Variants in PLP1 observed in about 807,000 individuals in gnomAD.
PLP1 encodes the protein myelin proteolipid protein.
PLP1 carries 2 observed loss-of-function variants against 18.5 expected under a neutral mutation model. The ratio of observed to expected loss-of-function variants is 0.11; its 90% CI spans 0.04 to 0.34. The LOEUF is 0.34. Among genes scored for constraint, PLP1 ranks in the 10% least tolerant of loss-of-function variants. The probability of loss-of-function intolerance (pLI) is 1.00; values close to 1 mark genes in which losing one functional copy is unlikely to be tolerated. For missense variants in PLP1, 105 were observed against 207.3 expected, an observed-to-expected ratio of 0.51 and a Z score of 3.03; for synonymous variants, 86 against 83.2, an observed-to-expected ratio of 1.03 and a Z score of -0.19.
At chrX:103,782,023 G>A (rs1467247281) in intron 1 of PLP1, among the ~76,000 whole-genome samples, 1 of 112,193 alleles carries the variant, frequency 8.9e-6, no homozygotes, top group Non-Finnish European at 1.9e-5. Context: ...GGAGCCCAAT[G>A]GATCTTTTCT....
intron 6 of PLP1, among the ~76,000 whole-genome samples, chrX:103,789,692 C>T (rs1202361593): frequency 8.9e-6 from 1 of 112,090 alleles, no homozygotes; most frequent in Non-Finnish European, 1.9e-5. Flanking sequence ...AAGTACTTTG[C>T]AGTCATAAAT....
intron 1 of PLP1, among the ~76,000 whole-genome samples, chrX:103,784,033 C>T (rs1447915382): frequency 3.6e-5 from 4 of 112,055 alleles, no homozygotes; most frequent in African/African-American, 9.7e-5. Context: ...GGGATCTGGC[C>T]GAGAGGCCAG....
intron 1 of PLP1, among the ~76,000 whole-genome samples, chrX:103,780,437 C>CTGTGTGTG (rs1491323272): frequency 6.8e-4 from 60 of 87,877 alleles, no homozygotes; most frequent in Admixed American, 3.0e-3. Context: ...TTCTGTCTCT[C>CTGTGTGTG]TCTGTGTGTG....
At chrX:103,787,609 G>A (rs898398544) in intron 3 of PLP1, 189 bp from the exon 4 acceptor site, 11 of 470,612 alleles carry the variant, frequency 2.3e-5, no homozygotes, top group African/African-American at 1.9e-4. Flanking sequence ...CGTTATACTG[G>A]GGCCAGTTAT....
rs911356581 is a variant in PLP1 at position 103,792,452 on chromosome X, C to T, written c.*1854C>T. 1 of 112,555 alleles carries T rather than the reference C, an allele frequency of 8.9e-6. No homozygotes were observed. The highest frequency in any genetic ancestry group is 9.5e-5 in the Admixed American group (1 of 10,576). The allele number at this position is 112,555 out of a possible 1,213,427, so 9.3% of individuals were successfully genotyped here. On this transcript the variant is annotated 3_prime_UTR_variant, in exon 7 of 7. Transcript: ENST00000621218. Reference sequence around the variant, plus strand: ...CCTGAAAACCTCACATGCATACATACACATATATACACACACAAAGAGAGT... The same window carrying T: ...CCTGAAAACCTCACATGCATACATATACATATATACACACACAAAGAGAGT...
intron 1 of PLP1, chrX:103,781,293 T>C (rs1289857440): frequency 5.2e-5 from 17 of 327,917 alleles, no homozygotes; most frequent in Non-Finnish European, 9.5e-5. Flanking sequence ...AGTCCCTTGA[T>C]GAACCTGGAT....
chrX:103,777,781 C>A (rs1250508068), intron 1 of PLP1, among the ~76,000 whole-genome samples: 3 of 112,476 alleles, frequency 2.7e-5, no homozygotes, highest in Non-Finnish European at 5.6e-5. Context: ...GTGGTAGTTT[C>A]TACTCAGAGT....
intron 2 of PLP1, chrX:103,786,052 G>C (rs754824956): frequency 1.4e-5 from 14 of 1,036,016 alleles, no homozygotes; most frequent in Middle Eastern, 6.4e-4. Flanking sequence ...CCAAGTTGGA[G>C]CCTCCAGCGT....
intron 1 of PLP1, among the ~76,000 whole-genome samples, chrX:103,782,399 G>A (rs1026258290): frequency 1.8e-5 from 2 of 111,867 alleles, no homozygotes; most frequent in African/African-American, 6.5e-5. Context: ...AGAAAATAGA[G>A]GAAAAATGGA....
At chrX:103,785,491 G>A (rs1431960625) in intron 1 of PLP1, 91 bp from the exon 2 acceptor site, 6 of 817,565 alleles carry the variant, frequency 7.3e-6, no homozygotes, top group Non-Finnish European at 1.1e-5. Flanking sequence ...CACTATCTCC[G>A]AGCCTGTGAG....
In PLP1 at chrX:103,790,936, G is replaced by A; in HGVS notation, c.*338G>A. On this transcript the variant is annotated 3_prime_UTR_variant, in exon 7 of 7. Coordinates refer to ENST00000621218, the MANE Select transcript of PLP1 (RefSeq NM_000533.5). ...GATCAGAAAGTAATTTCTTCTCAAA[G>A]GGTACTTCCACTGATGGAAACAAAG... The A allele has an allele frequency of 3.5e-6, 1 of 283,494 alleles. No homozygotes were observed. Among genetic ancestry groups the A allele is most frequent in the Non-Finnish European group, 6.3e-6 (1 of 158,299 alleles). The allele number at this position is 283,494 out of a possible 1,213,427, so 23.4% of individuals were successfully genotyped here. A position where few individuals can be genotyped will look rare whatever the true frequency, so the allele number is the denominator to read the frequency against.
Position 103,790,917 on chromosome X carries a change from A to T in PLP1, c.*319A>T, listed in dbSNP as rs2147769802. ...TTTTCAAGCATCTCCTGAGGATCAG[A>T]AAGTAATTTCTTCTCAAAGGGTACT... On this transcript the variant is annotated 3_prime_UTR_variant, in exon 7 of 7. Coordinates refer to ENST00000621218, the MANE Select transcript of PLP1 (RefSeq NM_000533.5). The T allele has an allele frequency of 3.2e-6, 1 of 308,241 alleles. No individual in the cohort carries two copies. The highest frequency in any genetic ancestry group is 5.7e-6 in the Non-Finnish European group (1 of 174,450). The allele number at this position is 308,241 out of a possible 1,213,427, so 25.4% of individuals were successfully genotyped here.
At chrX:103,779,616 T>C (rs2074436264) in intron 1 of PLP1, among the ~76,000 whole-genome samples, 2 of 111,756 alleles carry the variant, frequency 1.8e-5, no homozygotes, top group Admixed American at 1.9e-4. Flanking sequence ...AGCCAGGCAG[T>C]TTGAAAGGTC....
rs1477260576 is a variant in PLP1, at chrX:103,791,186, A to G, written c.*588A>G. ...GGGTCAAAGCAAGGATCTTTCACCC[A>G]CAGAAAGAGAGCACTGACCCCGATG... On this transcript the variant is annotated 3_prime_UTR_variant, in exon 7 of 7. Transcript: ENST00000621218. 8.4e-6 allele frequency: 1 copy of G among 118,363 alleles called. No homozygotes were observed. Among genetic ancestry groups the G allele is most frequent in the Non-Finnish European group, 1.8e-5 (1 of 56,580 alleles). 9.8% of individuals were successfully genotyped at this position (118,363 alleles called of 1,213,427 possible). A position where few individuals can be genotyped will look rare whatever the true frequency, so the allele number is the denominator to read the frequency against.
chrX:103,778,741 G>A (rs2074430157), intron 1 of PLP1, among the ~76,000 whole-genome samples: 1 of 111,589 alleles, frequency 9.0e-6, no homozygotes, highest in African/African-American at 3.3e-5. Context: ...CAGCCACTGA[G>A]TTTTCATTTA....
chrX:103,789,186 A>G, intron 5 of PLP1, 147 bp from the exon 6 acceptor site: 2 of 534,062 alleles, frequency 3.7e-6, no homozygotes, highest in South Asian at 4.9e-5. Flanking sequence ...GGAGGCCCAC[A>G]TTTAGGGAAG....
In PLP1 at chrX:103,786,809, G is replaced by T. The variant is rs761190938; in HGVS notation, c.453+83G>T. 6.6e-4 allele frequency: 679 copies of T among 1,025,503 alleles called. 1 individual carries two copies. The highest frequency in any genetic ancestry group is 9.1e-4 in the Non-Finnish European group (666 of 729,006). 84.5% of individuals were successfully genotyped at this position (1,025,503 alleles called of 1,213,427 possible). ...GTCTGTGGCCTCGTCCCCACCCAAG[G>T]CTGGGTCCTCTCTAGGGGCCTGGCA... is the stretch of plus-strand genomic sequence containing the variant. On this transcript the variant is annotated intron_variant, in intron 3 of 6. Coordinates refer to ENST00000621218, the MANE Select transcript of PLP1 (RefSeq NM_000533.5).
chrX:103,788,946 C>T, intron 5 of PLP1: 1 of 291,210 alleles, frequency 3.4e-6, no homozygotes, highest in Non-Finnish European at 6.1e-6. Context: ...AGGGAAAGCA[C>T]TGTATTGAGA....
chrX:103,780,822 A>T (rs963178564), intron 1 of PLP1: 1 of 113,359 alleles, frequency 8.8e-6, no homozygotes, highest in African/African-American at 3.3e-5. Flanking sequence ...ACTGATCCCC[A>T]TCCATCCCTA....
Sources: allele counts gnomAD v4.1 joint callset (sites outside exome capture counted in the v4.1 genomes callset), GRCh38; gene constraint gnomAD v4.1.1; transcripts MANE v1.5; gene names NCBI Gene and HGNC (gene_info 2026-07-23, HGNC 2026-07-21).